AMBN: variants seen among roughly 807,000 people sequenced by gnomAD.
AMBN encodes ameloblastin, also known as enamel matrix protein.
A neutral mutation model predicts 48.0 loss-of-function variants in AMBN; 54 were observed. The ratio of observed to expected loss-of-function variants is 1.12; its 90% CI spans 0.90 to 1.41. The LOEUF (loss-of-function observed/expected upper bound fraction) is 1.41, where lower values mean the gene tolerates loss of function less well. AMBN is among the 40% of genes most tolerant of loss of function. AMBN has a pLI of 0.00. For missense variants in AMBN, 571 were observed against 547.3 expected (o/e 1.04, Z -0.43); for synonymous variants, 186 against 190.0 (o/e 0.98, Z 0.17).
rs200620822 is a variant in AMBN at position 70,599,578 on chromosome 4, A to C, written c.226A>C (p.Met76Leu). 3 of 1,613,498 alleles carry C rather than the reference A, an allele frequency of 1.9e-6. No homozygotes were observed. The highest frequency in any genetic ancestry group is 2.5e-6 in the Non-Finnish European group (3 of 1,179,786). ...GFGKSFNSLW[M>L]HGLLPPHSSL... ...TGGAAAATCATTTAATTCTTTGTGG[A>C]TGCACGGTCTCCTCCCACCACATTC... Residue 76 changes from methionine (M) to leucine (L), a missense_variant, in exon 5 of 13, where the codon ATG becomes CTG. By Grantham distance (15) the Met-to-Leu change is conservative. Transcript: ENST00000322937.
chr4:70,604,767 T>C (rs1043019468), intron 12 of AMBN, among the ~76,000 whole-genome samples: 1 of 150,252 alleles, frequency 6.7e-6, no homozygotes, highest in South Asian at 2.1e-4. Context: ...CTGAAGCGGA[T>C]GGATCACCCG....
intron 4 of AMBN, 100 bp downstream of exon 4, chr4:70,598,503 CT>C: frequency 1.1e-6 from 1 of 942,438 alleles, no homozygotes; most frequent in African/African-American, 1.7e-5. Flanking sequence ...AGACAATATA[CT>C]AAAGATTGGA....
At chr4:70,595,434 C>T (rs928965088) in intron 2 of AMBN, among the ~76,000 whole-genome samples, 9 of 152,012 alleles carry the variant, frequency 5.9e-5, no homozygotes, top group African/African-American at 2.2e-4. Context: ...ATTTGCCCAC[C>T]TCAGCCTCCC....
Position 70,592,476 on chromosome 4 carries a change from A to T in AMBN, c.15+103A>T, listed in dbSNP as rs906026746. ...GGATTTATCTTCATTTGTCACCAGT[A>T]GCTGAATTATTGCTTGTTGTAATCC... is the stretch of plus-strand genomic sequence containing the variant. On this transcript the variant is annotated intron_variant, in intron 1 of 12. Coordinates refer to ENST00000322937, the MANE Select transcript of AMBN (RefSeq NM_016519.6). The T allele has an allele frequency of 3.1e-5, 40 of 1,293,376 alleles. No individual in the cohort carries two copies. In the African/African-American group the frequency reaches 5.9e-4, roughly 19 times the overall value. The allele number at this position is 1,293,376 out of a possible 1,614,324, so 80.1% of individuals were successfully genotyped here.
chr4:70,602,209 A>T (rs879511767), intron 6 of AMBN, among the ~76,000 whole-genome samples: 3 of 152,190 alleles, frequency 2.0e-5, no homozygotes, highest in African/African-American at 4.8e-5. Flanking sequence ...AAAAATATAT[A>T]TTATCAGCCT....
Position 70,606,501 on chromosome 4 carries a change from T to C in AMBN, c.1115T>C (p.Met372Thr). Residue 372 changes from methionine to threonine, a missense_variant, in exon 13 of 13, where the codon ATG (methionine) becomes ACG (threonine). By Grantham distance (81) the Met-to-Thr change is moderately conservative (BLOSUM62 -1). Coordinates refer to ENST00000322937, the MANE Select transcript of AMBN (RefSeq NM_016519.6). ...PGLPRSPSGK[M>T]KGLPSVTPAA... ...CTGCCAAGGAGCCCTTCAGGGAAGATGAAGGGACTCCCCAGCGTCACCCCA... is the reference window on the plus strand; with the variant it reads ...CTGCCAAGGAGCCCTTCAGGGAAGACGAAGGGACTCCCCAGCGTCACCCCA... 6.2e-7 allele frequency: 1 copy of C among 1,613,998 alleles called. No individual in the cohort carries two copies. Among genetic ancestry groups the C allele is most frequent in the Non-Finnish European group, 8.5e-7 (1 of 1,179,984 alleles).
chr4:70,603,602 C>G (rs1481865162), intron 11 of AMBN, 142 bp downstream of exon 11: 10 of 883,184 alleles, frequency 1.1e-5, no homozygotes, highest in South Asian at 1.8e-5. Context: ...ATTAAGGAGG[C>G]AAACTTCCTA....
chr4:70,598,770 TTTTATTTA>T (rs982792752), intron 4 of AMBN, among the ~76,000 whole-genome samples: 5 of 151,868 alleles, frequency 3.3e-5, no homozygotes, highest in African/African-American at 4.8e-5. Context: ...CTTATTTTAT[TTTTATTTA>T]TTTATTTATT....
chr4:70,594,665 A>G (rs1339399188), intron 2 of AMBN, among the ~76,000 whole-genome samples: 1 of 152,206 alleles, frequency 6.6e-6, no homozygotes, highest in African/African-American at 2.4e-5. Context: ...CCATCACGCA[A>G]GATGAATTTT....
chr4:70,598,459 G>A, intron 4 of AMBN, 56 bp downstream of exon 4: 3 of 1,372,132 alleles, frequency 2.2e-6, no homozygotes, highest in Non-Finnish European at 2.0e-6. Flanking sequence ...AATATTAGCA[G>A]CAGCATTATA....
chr4:70,606,135 A>G lies in AMBN; in HGVS notation c.799-50A>G, dbSNP rs542712763. The G allele has an allele frequency of 5.0e-6, 8 of 1,591,164 alleles. No homozygotes were observed. The Admixed American group carries it at 1.4e-4, about 27-fold the overall frequency. On this transcript the variant is annotated intron_variant, in intron 12 of 12. Coordinates refer to ENST00000322937, the MANE Select transcript of AMBN (RefSeq NM_016519.6). The stretch of plus-strand genomic sequence containing the variant: ...GTGACCAGGTATAGCTGCATGGTAT[A>G]GTTAATAGCATGTGATGATGGCATC...
chr4:70,605,037 A>G (rs1453586927), intron 12 of AMBN, among the ~76,000 whole-genome samples: 3 of 152,112 alleles, frequency 2.0e-5, no homozygotes, highest in Admixed American at 6.6e-5. Context: ...TTACAGTCTA[A>G]TGAATGGAAA....
intron 4 of AMBN, among the ~76,000 whole-genome samples, chr4:70,599,080 T>C (rs1382237457): frequency 6.6e-6 from 1 of 151,484 alleles, no homozygotes; most frequent in Non-Finnish European, 1.5e-5. Context: ...CAGCCATACC[T>C]ATCCATTTTA....
In AMBN at chr4:70,603,317, C is replaced by T. The variant is rs1455878390; in HGVS notation, c.706C>T (p.Pro236Ser). The T allele has an allele frequency of 3.1e-6, 5 of 1,613,380 alleles. No homozygotes were observed. The Admixed American group carries it at 8.3e-5, about 27-fold the overall frequency. The change falls in exon 10 of 13, where the codon CCA (proline) becomes TCA (serine). Residue 236 changes from proline (P) to serine (S), a missense_variant and splice_region_variant. Transcript: ENST00000322937. ...ACCAATGCCACAAAATAAACAATCT[C>T]CAGTAAGTTTTTTTTAATACCACAT... The part of the protein sequence containing the change: ...HGPMPQNKQS[P>S]LYPGMLYVPF...
At chr4:70,599,997 A>C (rs1418263965) in intron 5 of AMBN, among the ~76,000 whole-genome samples, 7 of 152,176 alleles carry the variant, frequency 4.6e-5, no homozygotes, top group Middle Eastern at 3.2e-3. Flanking sequence ...ATTTCAAATG[A>C]TGACAATAAT....
At position 70,601,471 on chromosome 4, in the gene AMBN, G is replaced by T; in HGVS notation, c.348G>T (p.Leu116Phe). 2.5e-6 allele frequency: 4 copies of T among 1,614,148 alleles called. No homozygotes were observed. Among genetic ancestry groups the T allele is most frequent in the Non-Finnish European group, 3.4e-6 (4 of 1,179,996 alleles). The change falls in exon 6 of 13, where the codon TTG becomes TTT. Residue 116 changes from leucine to phenylalanine, a missense_variant. Transcript: ENST00000322937. ...CACCTCTCCCATCACAGCCATCCTT[G>T]AAGCCTCAACAGCCAGGACTGAAAC... ...HPPPLPSQPS[L>F]KPQQPGLKPF...
In AMBN at chr4:70,602,971, G is replaced by T; in HGVS notation, c.610-1G>T. On this transcript the variant is annotated splice_acceptor_variant, in intron 8 of 12. Transcript: ENST00000322937. LOFTEE classifies it high-confidence loss of function. ...AATTTTAATATTTATCTGTAATATA[G>T]CTCCCAGGATTGGATTTTGCTGATC... The T allele has an allele frequency of 6.2e-7, 1 of 1,601,406 alleles. No individual in the cohort carries two copies.
At chr4:70,594,729 C>T (rs373446963) in intron 2 of AMBN, among the ~76,000 whole-genome samples, 7 of 152,146 alleles carry the variant, frequency 4.6e-5, no homozygotes, top group East Asian at 1.9e-4. Context: ...ATGATACTGA[C>T]GTTGGGATGA....
chr4:70,594,478 A>G (rs1490455946), intron 2 of AMBN, among the ~76,000 whole-genome samples: 1 of 152,262 alleles, frequency 6.6e-6, no homozygotes, highest in Non-Finnish European at 1.5e-5. Context: ...TCTTGTCTCC[A>G]GTAGCTCACA....
Sources: allele counts gnomAD v4.1 joint callset (sites outside exome capture counted in the v4.1 genomes callset), GRCh38; gene constraint gnomAD v4.1.1; transcripts MANE v1.5; gene names NCBI Gene and HGNC (gene_info 2026-07-23, HGNC 2026-07-21).